Variants in SPEF2 observed in about 807,000 individuals in gnomAD.
The protein encoded by SPEF2 is sperm flagellar and cilia associated 2, also known as sperm flagella and cilia-associated protein 2.
Under a neutral mutation model 224.6 loss-of-function variants are expected in SPEF2, and 187 were observed. That is an observed-to-expected ratio of 0.83 (90% CI 0.74 to 0.94). The LOEUF is 0.94. Ranked by LOEUF, SPEF2 falls within the 40% of genes least tolerant of loss-of-function variation. SPEF2 has a pLI of 0.00. For missense variants in SPEF2, 2,170 were observed against 2,135.6 expected (o/e 1.02, Z -0.32); for synonymous variants, 715 against 707.3 (o/e 1.01, Z -0.17).
chr5:35,701,906 G>T (rs1392877512), intron 16 of SPEF2, among the ~76,000 whole-genome samples: 3 of 152,088 alleles, frequency 2.0e-5, no homozygotes, highest in African/African-American at 7.2e-5. Context: ...TTGAGCCCAG[G>T]AATTCAAGGC....
rs1255865556 is a variant in SPEF2 at position 35,788,546 on chromosome 5, G to T, written c.4448-3794G>T. Reference sequence around the variant, plus strand: ...TGCAGGAAAGGTGCACTGTCAAATTGTTGGGGTACAGATAGTAGAAAGAAA... The same window carrying T: ...TGCAGGAAAGGTGCACTGTCAAATTTTTGGGGTACAGATAGTAGAAAGAAA... On this transcript the variant is annotated intron_variant, in intron 30 of 36. Coordinates refer to ENST00000356031, the MANE Select transcript of SPEF2 (RefSeq NM_024867.4). 8.5e-6 allele frequency: 6 copies of T among 702,444 alleles called. No individual in the cohort carries two copies. The African/African-American group carries it at 1.0e-4, about 12-fold the overall frequency. The allele number at this position is 702,444 out of a possible 1,614,324, so 43.5% of individuals were successfully genotyped here.
chr5:35,668,509 G>C (rs778053236), intron 9 of SPEF2, among the ~76,000 whole-genome samples: 2 of 152,084 alleles, frequency 1.3e-5, no homozygotes, highest in African/African-American at 4.8e-5. Flanking sequence ...ATGGGATGGA[G>C]GTGAGAGGGA....
chr5:35,697,958 G>T, intron 15 of SPEF2, 165 bp downstream of exon 15: 1 of 508,418 alleles, frequency 2.0e-6, no homozygotes, highest in Non-Finnish European at 3.4e-6. Flanking sequence ...TGTGACTTAC[G>T]TGCCTATATT....
Position 35,659,024 on chromosome 5 carries a change from T to G in SPEF2, c.984T>G (p.Ala328=). ...AATTCCCCTGGTGTTTTCAGGAGGC[T>G]TATCGGGAGGAACAGCTGATTAACC... is the stretch of plus-strand genomic sequence containing the variant. ...QLIAHEAQEE[A]YREEQLINRL... Residue 328 remains alanine (A), a synonymous_variant, in exon 8 of 37, where the codon GCT becomes GCG. Transcript: ENST00000356031. The G allele has an allele frequency of 1.3e-6, 2 of 1,557,792 alleles. No homozygotes were observed. The highest frequency in any genetic ancestry group is 2.4e-5 in the South Asian group (2 of 83,518).
At chr5:35,643,700 G>A (rs566451653) in intron 3 of SPEF2, 6 of 354,128 alleles carry the variant, frequency 1.7e-5, no homozygotes, top group Admixed American at 7.0e-5. Context: ...AGAGGTGCAG[G>A]TAATATTAAT....
intron 2 of SPEF2, among the ~76,000 whole-genome samples, chr5:35,639,508 A>G (rs1021760992): frequency 4.6e-5 from 7 of 152,114 alleles, no homozygotes; most frequent in African/African-American, 1.4e-4. Context: ...TAGTTTCTTT[A>G]GTTTAAAATG....
chr5:35,807,072 T>G (rs1485368096), intron 35 of SPEF2, 59 bp from the exon 36 acceptor site: 1 of 1,570,682 alleles, frequency 6.4e-7, no homozygotes, highest in Non-Finnish European at 8.6e-7. Context: ...TACAACCATT[T>G]TTTTTAACAT....
intron 20 of SPEF2, among the ~76,000 whole-genome samples, chr5:35,719,404 G>C (rs1002195756): frequency 6.6e-6 from 1 of 152,124 alleles, no homozygotes. Context: ...TACTTGGCCT[G>C]ATTATTTGCA....
intron 34 of SPEF2, 22 bp from the exon 35 acceptor site, chr5:35,806,685 T>G: frequency 6.3e-7 from 1 of 1,595,246 alleles, no homozygotes; most frequent in Non-Finnish European, 8.5e-7. Context: ...TAACTTCATG[T>G]TCTCTTCATT....
At chr5:35,737,512 C>T (rs538459609) in intron 21 of SPEF2, among the ~76,000 whole-genome samples, 1 of 152,118 alleles carries the variant, frequency 6.6e-6, no homozygotes, top group East Asian at 1.9e-4. Context: ...TGGTTTCCAG[C>T]TTCATCCATA....
intron 21 of SPEF2, among the ~76,000 whole-genome samples, chr5:35,730,556 A>G (rs1745477888): frequency 2.0e-5 from 3 of 152,262 alleles, no homozygotes. Context: ...AGATTAAAGC[A>G]TAGCTTTTGA....
At chr5:35,636,552 A>G (rs577633178) in intron 2 of SPEF2, among the ~76,000 whole-genome samples, 1 of 152,284 alleles carries the variant, frequency 6.6e-6, no homozygotes, top group South Asian at 2.1e-4. Context: ...GTGATTATAA[A>G]TAATTGCTAT....
chr5:35,799,553 T>C (rs1757142071), intron 33 of SPEF2, among the ~76,000 whole-genome samples: 1 of 152,152 alleles, frequency 6.6e-6, no homozygotes, highest in Non-Finnish European at 1.5e-5. Context: ...CATCATTTTC[T>C]TTCCCTCCTT....
intron 1 of SPEF2, among the ~76,000 whole-genome samples, chr5:35,625,862 T>C (rs202167826): frequency 0.02 from 2,983 of 152,244 alleles, 56 homozygotes; most frequent in South Asian, 0.066. Flanking sequence ...TGGCACACTT[T>C]TGCCCATTGG....
chr5:35,773,739 A>G (rs764871407), intron 27 of SPEF2, among the ~76,000 whole-genome samples, 154 bp from the exon 28 acceptor site: 11 of 152,228 alleles, frequency 7.2e-5, no homozygotes, highest in Non-Finnish European at 1.5e-4. Context: ...TCAATATTTC[A>G]TCACAGATGC....
At chr5:35,760,038 A>G (rs763072099) in intron 25 of SPEF2, among the ~76,000 whole-genome samples, 1 of 152,096 alleles carries the variant, frequency 6.6e-6, no homozygotes, top group Non-Finnish European at 1.5e-5. Context: ...ATTCTGAAAC[A>G]CTTTTGGCCC....
chr5:35,744,927 G>A (rs1475819145), intron 23 of SPEF2, among the ~76,000 whole-genome samples: 2 of 152,166 alleles, frequency 1.3e-5, no homozygotes, highest in South Asian at 4.1e-4. Context: ...TCTGAAGGAG[G>A]CTGACTGCTC....
chr5:35,637,435 T>C (rs1401411325), intron 2 of SPEF2, among the ~76,000 whole-genome samples: 4 of 152,178 alleles, frequency 2.6e-5, no homozygotes, highest in Non-Finnish European at 5.9e-5. Context: ...TTTTTGTTTG[T>C]CTGAAATGAT....
chr5:35,759,220 G>A (rs56169453), intron 24 of SPEF2, among the ~76,000 whole-genome samples: 6,108 of 151,922 alleles, frequency 0.04, 372 homozygotes, highest in African/African-American at 0.12. Context: ...TACTATATTG[G>A]CTGATTGAAT....
Sources: gnomAD v4.1 joint callset for allele counts (sites outside exome capture counted in the v4.1 genomes callset) on GRCh38, gnomAD v4.1.1 for gene constraint, MANE v1.5 for transcripts, NCBI Gene and HGNC (gene_info 2026-07-23, HGNC 2026-07-21) for gene names.